Variants in RNGTT observed in about 807,000 individuals in gnomAD.
The protein encoded by RNGTT is mRNA-capping enzyme.
RNGTT carries 33 observed loss-of-function variants against 79.3 expected under a neutral mutation model. The observed-to-expected ratio is 0.42, with a 90% CI of 0.32 to 0.56. RNGTT has a LOEUF of 0.56. Ranked by LOEUF, RNGTT falls within the 20% of genes least tolerant of loss-of-function variation. The pLI, the probability that RNGTT is intolerant of heterozygous loss-of-function variation, is 0.17. For synonymous variants in RNGTT, 222 were observed against 235.9 expected (o/e 0.94, Z 0.54); for missense variants, 497 against 739.1 (o/e 0.67, Z 3.80).
chr6:88,679,150 G>A (rs572729262), intron 13 of RNGTT, among the ~76,000 whole-genome samples: 4 of 152,168 alleles, frequency 2.6e-5, no homozygotes, highest in South Asian at 2.1e-4. Flanking sequence ...TAAATATATC[G>A]TACCAAAATC....
chr6:88,914,378 C>T (rs923225741), intron 4 of RNGTT, among the ~76,000 whole-genome samples: 1 of 151,846 alleles, frequency 6.6e-6, no homozygotes, highest in Non-Finnish European at 1.5e-5. Context: ...TACAACCAAC[C>T]GCAAACTATG....
chr6:88,955,793 A>G (rs1279364907), intron 1 of RNGTT, among the ~76,000 whole-genome samples: 6 of 152,120 alleles, frequency 3.9e-5, no homozygotes, highest in African/African-American at 1.4e-4. Flanking sequence ...CTGTAATCCC[A>G]GCACTTTGGA....
chr6:88,660,779 G>A (rs1456870226), intron 14 of RNGTT, among the ~76,000 whole-genome samples: 1 of 152,116 alleles, frequency 6.6e-6, no homozygotes, highest in East Asian at 1.9e-4. Flanking sequence ...AGTCAACAAA[G>A]AAACAATGGA....
intron 13 of RNGTT, among the ~76,000 whole-genome samples, chr6:88,704,986 A>C (rs151313304): frequency 6.6e-6 from 1 of 152,318 alleles, no homozygotes; most frequent in African/African-American, 2.4e-5. Context: ...ACCTAAAAAA[A>C]AAAACTGGTA....
chr6:88,766,379 T>G (rs985980439), intron 13 of RNGTT, among the ~76,000 whole-genome samples: 17 of 152,280 alleles, frequency 1.1e-4, no homozygotes, highest in Admixed American at 4.6e-4. Context: ...CTTTTGACAA[T>G]GACCATGGTT....
chr6:88,909,211 C>T (rs916465786), intron 4 of RNGTT, among the ~76,000 whole-genome samples: 10 of 152,196 alleles, frequency 6.6e-5, no homozygotes, highest in South Asian at 2.1e-4. Context: ...GAACTGGGCA[C>T]GCAGGGCTTT....
At chr6:88,623,164 C>T (rs543305979) in intron 14 of RNGTT, among the ~76,000 whole-genome samples, 12 of 151,638 alleles carry the variant, frequency 7.9e-5, no homozygotes, top group African/African-American at 2.9e-4. Flanking sequence ...GACACACACA[C>T]TTAAGACAGT....
At chr6:88,938,772 G>A (rs1268232929) in intron 2 of RNGTT, among the ~76,000 whole-genome samples, 1 of 152,116 alleles carries the variant, frequency 6.6e-6, no homozygotes, top group Non-Finnish European at 1.5e-5. Flanking sequence ...TCAGGTACAG[G>A]ACTGTCTAAC....
At chr6:88,623,837 C>A (rs1216333769) in intron 14 of RNGTT, among the ~76,000 whole-genome samples, 1 of 151,996 alleles carries the variant, frequency 6.6e-6, no homozygotes, top group Non-Finnish European at 1.5e-5. Flanking sequence ...TACAAAGAGG[C>A]TCCTAGAACC....
At chr6:88,779,186 T>C (rs1328124002) in intron 12 of RNGTT, among the ~76,000 whole-genome samples, 3 of 152,248 alleles carry the variant, frequency 2.0e-5, no homozygotes, top group South Asian at 2.1e-4. Flanking sequence ...CAAGAGAGAA[T>C]AGGCCCAAGA....
At chr6:88,727,638 G>C (rs1370416557) in intron 13 of RNGTT, among the ~76,000 whole-genome samples, 1 of 152,138 alleles carries the variant, frequency 6.6e-6, no homozygotes, top group Non-Finnish European at 1.5e-5. Flanking sequence ...GTGAAATTTA[G>C]CTTATCTGGT....
chr6:88,807,731 C>T (rs1029896612), intron 11 of RNGTT, among the ~76,000 whole-genome samples: 16 of 150,876 alleles, frequency 1.1e-4, no homozygotes, highest in Admixed American at 8.6e-4. Context: ...CAATGGACTC[C>T]AAGAGGACAG....
At chr6:88,736,814 G>A (rs1367548614) in intron 13 of RNGTT, among the ~76,000 whole-genome samples, 2 of 152,188 alleles carry the variant, frequency 1.3e-5, no homozygotes, top group African/African-American at 4.8e-5. Flanking sequence ...TCTACAAGAT[G>A]GAAACATACA....
intron 14 of RNGTT, among the ~76,000 whole-genome samples, chr6:88,659,290 CAAG>C (rs1161104750): frequency 6.6e-6 from 1 of 152,058 alleles, no homozygotes; most frequent in African/African-American, 2.4e-5. Context: ...GGATCCAAGC[CAAG>C]AAGAAATCTG....
At position 88,752,161 on chromosome 6, in the gene RNGTT, G is replaced by A. The variant is rs184405510; in HGVS notation, c.1439+17613C>T. Among the ~76,000 whole-genome samples, 279 of 152,064 alleles carry A rather than the reference G, an allele frequency of 1.8e-3. 1 individual carries two copies. The highest frequency in any genetic ancestry group is 1.0e-3 in the Non-Finnish European group (69 of 67,926). ...TATATTTTGAAGCTGTCATATGCTA[G>A]AGGATATTAAATATCCTCTCATCAT... On this transcript the variant is annotated intron_variant, in intron 13 of 15. Transcript: ENST00000369485.
At chr6:88,953,955 CA>C (rs1287692047) in intron 1 of RNGTT, among the ~76,000 whole-genome samples, 15 of 152,128 alleles carry the variant, frequency 9.9e-5, no homozygotes, top group Admixed American at 5.9e-4. Flanking sequence ...ATGAAAGACA[CA>C]CTACAAGAAA....
At chr6:88,700,199 A>G (rs566005583) in intron 13 of RNGTT, among the ~76,000 whole-genome samples, 1 of 152,204 alleles carries the variant, frequency 6.6e-6, no homozygotes, top group African/African-American at 2.4e-5. Flanking sequence ...CTTCAAACAC[A>G]CTTCTCTGCT....
intron 6 of RNGTT, 30 bp from the exon 7 acceptor site, chr6:88,891,945 A>G: frequency 1.4e-6 from 2 of 1,393,280 alleles, no homozygotes; most frequent in Non-Finnish European, 2.0e-6. Flanking sequence ...AAAATAAGGG[A>G]AAGAAAAATA....
chr6:88,772,731 A>C (rs1778731953), intron 12 of RNGTT, among the ~76,000 whole-genome samples: 1 of 152,130 alleles, frequency 6.6e-6, no homozygotes, highest in Non-Finnish European at 1.5e-5. Flanking sequence ...GCTCACCATC[A>C]CTGGCCATCA....
Sources: allele counts gnomAD v4.1 joint callset (sites outside exome capture counted in the v4.1 genomes callset), GRCh38; gene constraint gnomAD v4.1.1; transcripts MANE v1.5; gene names NCBI Gene and HGNC (gene_info 2026-07-23, HGNC 2026-07-21).